ANKRA2: variants seen among roughly 807,000 people sequenced by gnomAD.
The protein encoded by ANKRA2 is ankyrin repeat family A member 2, also known as ankyrin repeat family A protein 2.
ANKRA2 carries 33 observed loss-of-function variants against 37.8 expected under a neutral mutation model. The ratio of observed to expected loss-of-function variants is 0.87; its 90% CI spans 0.66 to 1.17. The LOEUF (loss-of-function observed/expected upper bound fraction) is 1.17. Among genes scored for constraint, ANKRA2 ranks in the 50% most tolerant of loss-of-function variants. The pLI is 0.00. For synonymous variants in ANKRA2, 126 were observed against 132.3 expected (o/e 0.95, Z 0.33); for missense variants, 326 against 373.7 (o/e 0.87, Z 1.05).
At chr5:73,564,673 T>C (rs1229822654) in intron 1 of ANKRA2, among the ~76,000 whole-genome samples, 1 of 152,220 alleles carries the variant, frequency 6.6e-6, no homozygotes, top group Non-Finnish European at 1.5e-5. Flanking sequence ...AATAGGCCTT[T>C]CTAATATTCT....
rs1283765695 is a variant in ANKRA2 at position 73,562,690 on chromosome 5, C to CA, written c.191dup (p.Cys65ValfsTer10). 6.2e-7 allele frequency: 1 copy of CA among 1,614,194 alleles called. No homozygotes were observed. Among genetic ancestry groups the CA allele is most frequent in the South Asian group, 1.1e-5 (1 of 91,090 alleles). On this transcript the variant is annotated frameshift_variant, in exon 2 of 9. Coordinates refer to ENST00000296785, the MANE Select transcript of ANKRA2 (RefSeq NM_023039.5). LOFTEE classifies it high-confidence loss of function. ...TTAAGGACTTCACAAATCGAGAACA[C>CA]ACATTCATATCAAATCGGTTAGGCA...
intron 3 of ANKRA2, among the ~76,000 whole-genome samples, chr5:73,558,926 A>G (rs1261197100): frequency 1.3e-5 from 2 of 152,238 alleles, no homozygotes; most frequent in African/African-American, 4.8e-5. Context: ...CATGAGATGT[A>G]AATCAAATGA....
At chr5:73,556,630 T>G (rs973282491) in intron 4 of ANKRA2, among the ~76,000 whole-genome samples, 1 of 152,150 alleles carries the variant, frequency 6.6e-6, no homozygotes, top group Non-Finnish European at 1.5e-5. Flanking sequence ...AATAAATTTA[T>G]GACTTACAGA....
Position 73,553,745 on chromosome 5 carries a change from T to C in ANKRA2, c.806-259A>G, listed in dbSNP as rs182491928. ...ATAAAGCTCACGCATAAAGACACTG[T>C]AGAAAGAGTACAATAGTGAATTCAT... On this transcript the variant is annotated intron_variant, in intron 7 of 8. Coordinates refer to ENST00000296785, the MANE Select transcript of ANKRA2 (RefSeq NM_023039.5). 2.4e-3 allele frequency among the ~76,000 whole-genome samples: 361 copies of C among 151,902 alleles called. 1 individual carries two copies. The highest frequency in any genetic ancestry group is 8.6e-3 in the African/African-American group (355 of 41,486).
intron 7 of ANKRA2, among the ~76,000 whole-genome samples, chr5:73,553,822 T>C (rs1351392905): frequency 6.6e-6 from 1 of 151,948 alleles, no homozygotes; most frequent in Non-Finnish European, 1.5e-5. Flanking sequence ...TCACCCAGGC[T>C]GGAATGCAGA....
At position 73,562,761 on chromosome 5, in the gene ANKRA2, C is replaced by A; in HGVS notation, c.121G>T (p.Glu41Ter). The change falls in exon 2 of 9, where the codon GAA (glutamate) becomes TAA (stop). Residue 41 changes from glutamate (E) to a stop codon, truncating the protein, a stop_gained. Transcript: ENST00000296785. LOFTEE classifies it high-confidence loss of function. Reference protein sequence around the residue: ...KIEHPLDPNSEEGSAQGVAMG... With the variant: ...KIEHPLDPNS ...GCAACACCCTGAGCTGACCCTTCTT[C>A]TGAATTTGGGTCCAGTGGATGTTCT... 1 of 1,614,148 alleles carries A rather than the reference C, an allele frequency of 6.2e-7. No individual in the cohort carries two copies. The highest frequency in any genetic ancestry group is 8.5e-7 in the Non-Finnish European group (1 of 1,180,026).
chr5:73,555,175 G>T, intron 5 of ANKRA2, 189 bp from the exon 6 acceptor site: 2 of 1,408,810 alleles, frequency 1.4e-6, no homozygotes, highest in Non-Finnish European at 1.8e-6. Context: ...CCTCCGTCCT[G>T]TATCAATCCT....
At chr5:73,561,041 A>G in intron 3 of ANKRA2, 89 bp downstream of exon 3, 1 of 1,315,734 alleles carries the variant, frequency 7.6e-7, no homozygotes, top group Non-Finnish European at 1.0e-6. Flanking sequence ...TATCCAGAAA[A>G]TATGCATTTA....
intron 7 of ANKRA2, among the ~76,000 whole-genome samples, chr5:73,553,731 G>A (rs12651989): frequency 0.075 from 11,387 of 151,876 alleles, 615 homozygotes; most frequent in African/African-American, 0.15. Context: ...TAAAGCTCAC[G>A]CATAAAGACA....
At chr5:73,564,951 T>C (rs980974194) in intron 1 of ANKRA2, among the ~76,000 whole-genome samples, 181 bp downstream of exon 1, 10 of 151,994 alleles carry the variant, frequency 6.6e-5, no homozygotes, top group African/African-American at 2.2e-4. Flanking sequence ...AGGCAATCGA[T>C]AGCTAGGTTC....
intron 4 of ANKRA2, among the ~76,000 whole-genome samples, chr5:73,556,028 C>T (rs1747390527): frequency 6.6e-6 from 1 of 152,148 alleles, no homozygotes; most frequent in Non-Finnish European, 1.5e-5. Context: ...TATGATAGCC[C>T]TCAGAATTAC....
intron 6 of ANKRA2, 57 bp from the exon 7 acceptor site, chr5:73,554,445 T>C: frequency 8.0e-7 from 1 of 1,248,020 alleles, no homozygotes; most frequent in Non-Finnish European, 1.2e-6. Context: ...TCAAGTAATT[T>C]AATGCTGCTG....
rs1747696115 is a variant in ANKRA2 at position 73,565,187 on chromosome 5, GGA to G, written c.-162_-161del. ...GGAGCCCGCTGTCTCCCGCTGGAGG[GGA>G]GACTCTTGCAGGAAAGAAAGTCCGT... On this transcript the variant is annotated 5_prime_UTR_variant, in exon 1 of 9. An upstream open reading frame in the 5' UTR loses its in-frame stop. Coordinates refer to ENST00000296785, the MANE Select transcript of ANKRA2 (RefSeq NM_023039.5). 6.6e-6 allele frequency: 1 copy of G among 152,000 alleles called. No homozygotes were observed. The highest frequency in any genetic ancestry group is 1.5e-5 in the Non-Finnish European group (1 of 68,022). The allele number at this position is 152,000 out of a possible 1,614,324, so 9.4% of individuals were successfully genotyped here. A position where few individuals can be genotyped will look rare whatever the true frequency, so the allele number is the denominator to read the frequency against.
chr5:73,563,623 T>C (rs1469973603), intron 1 of ANKRA2, among the ~76,000 whole-genome samples: 1 of 152,208 alleles, frequency 6.6e-6, no homozygotes, highest in Non-Finnish European at 1.5e-5. Context: ...CAACTTAATG[T>C]AGGTTTTCAT....
chr5:73,561,283 A>C lies in ANKRA2; in HGVS notation c.295T>G (p.Cys99Gly), dbSNP rs1561270990. 6.2e-7 allele frequency: 1 copy of C among 1,612,444 alleles called. No homozygotes were observed. Among genetic ancestry groups the C allele is most frequent in the East Asian group, 2.2e-5 (1 of 44,846 alleles). The change falls in exon 3 of 9, where the codon TGC becomes GGC. Residue 99 changes from cysteine (C) to glycine (G), a missense_variant. Cys to Gly is a radical substitution (Grantham distance 159, BLOSUM62 -3). This residue lies in a region of ANKRA2 where 228 missense variants were observed against 260.2 expected (regional missense o/e 0.88). Transcript: ENST00000296785. ...GGAGAAGGAGATGTATGGATATTGCATTCAGCTAAGTGAAAAACAAATGTA... is the reference window on the plus strand; with the variant it reads ...GGAGAAGGAGATGTATGGATATTGCCTTCAGCTAAGTGAAAAACAAATGTA... Reference protein sequence around the residue: ...EVASVLFKAECNIHTSPSPGI... With the variant: ...EVASVLFKAEGNIHTSPSPGI...
intron 3 of ANKRA2, among the ~76,000 whole-genome samples, chr5:73,558,209 C>T (rs1396743111): frequency 1.3e-5 from 2 of 152,068 alleles, no homozygotes; most frequent in Non-Finnish European, 2.9e-5. Flanking sequence ...AACTCCAGGG[C>T]TCAAGCAGAT....
Position 73,552,777 on chromosome 5 carries a change from A to C in ANKRA2, c.*20T>G, listed in dbSNP as rs768693620. 3 of 1,585,386 alleles carry C rather than the reference A, an allele frequency of 1.9e-6. No homozygotes were observed. The highest frequency in any genetic ancestry group is 2.6e-6 in the Non-Finnish European group (3 of 1,156,992). On this transcript the variant is annotated 3_prime_UTR_variant, in exon 9 of 9. Transcript: ENST00000296785. ...GACCAAGAAGTAAACAAAAGGGCAG[A>C]CATTTTCTGATGACTGTGTCTACTC...
At chr5:73,555,655 G>A (rs1747380684) in intron 4 of ANKRA2, 70 bp from the exon 5 acceptor site, 13 of 1,380,832 alleles carry the variant, frequency 9.4e-6, no homozygotes, top group Non-Finnish European at 1.3e-5. Context: ...ATGAAAAACT[G>A]GCATTCCAAA....
Position 73,553,236 on chromosome 5 carries a change from C to T in ANKRA2, c.886+170G>A, listed in dbSNP as rs747702549. 6.4e-4 allele frequency among the ~76,000 whole-genome samples: 98 copies of T among 152,312 alleles called. 1 individual carries two copies. Among genetic ancestry groups the T allele is most frequent in the Middle Eastern group, 3.4e-3 (1 of 294 alleles). ...TTGGTGAAAAGTATAGTAACAAACTCATTTCTAGACTTTATAGGAATTTGT... is the reference window on the plus strand; with the variant it reads ...TTGGTGAAAAGTATAGTAACAAACTTATTTCTAGACTTTATAGGAATTTGT... On this transcript the variant is annotated intron_variant, in intron 8 of 8. Transcript: ENST00000296785.
Sources: allele counts gnomAD v4.1 joint callset (sites outside exome capture counted in the v4.1 genomes callset), GRCh38; gene constraint gnomAD v4.1.1; regional missense constraint gnomAD v4.1.1; transcripts MANE v1.5; gene names NCBI Gene and HGNC (gene_info 2026-07-23, HGNC 2026-07-21).